SVIL: variants seen among roughly 807,000 people sequenced by gnomAD.
The protein encoded by SVIL is supervillin, also known as archvillin.
A neutral mutation model predicts 240.4 loss-of-function variants in SVIL; 101 were observed. The observed-to-expected ratio is 0.42, with a 90% confidence interval of 0.36 to 0.50. The LOEUF is 0.50. Among genes scored for constraint, SVIL ranks in the 20% least tolerant of loss-of-function variants. The probability of loss-of-function intolerance (pLI) is 0.01; values close to 1 mark genes in which losing one functional copy is unlikely to be tolerated. For missense variants in SVIL, 2,512 were observed against 2,818.7 expected (o/e 0.89, Z 2.46); for synonymous variants, 999 against 1,100.0 (o/e 0.91, Z 1.82).
intron 1 of SVIL, among the ~76,000 whole-genome samples, chr10:29,729,766 AG>A (rs1964508506): frequency 7.5e-6 from 1 of 133,312 alleles, no homozygotes; most frequent in African/African-American, 2.9e-5. Context: ...CCCAGGAGGC[AG>A]AGGTTGCAGT....
intron 28 of SVIL, among the ~76,000 whole-genome samples, chr10:29,481,016 A>AC (rs1946771312): frequency 6.6e-6 from 1 of 152,162 alleles, no homozygotes; most frequent in Admixed American, 6.5e-5. Context: ...CCACAACAGC[A>AC]CATGGGTGCC....
At chr10:29,619,014 G>T (rs1957529369) in intron 1 of SVIL, among the ~76,000 whole-genome samples, 1 of 152,222 alleles carries the variant, frequency 6.6e-6, no homozygotes, top group Admixed American at 6.5e-5. Flanking sequence ...TTTGTCTAAA[G>T]TAGCCCAGTA....
intron 18 of SVIL, among the ~76,000 whole-genome samples, chr10:29,495,953 G>GT (rs1476873544): frequency 2.0e-5 from 3 of 152,242 alleles, no homozygotes; most frequent in African/African-American, 2.4e-5. Context: ...AAACTGATTA[G>GT]TGCATTTACA....
chr10:29,506,126 G>C (rs376291414), intron 17 of SVIL, among the ~76,000 whole-genome samples: 58 of 152,276 alleles, frequency 3.8e-4, no homozygotes, highest in African/African-American at 1.4e-3. Context: ...AGTATCCCTA[G>C]TTGGTTGAAT....
chr10:29,694,938 G>T lies in SVIL; in HGVS notation c.-399-8287C>A, dbSNP rs192006000. Among the ~76,000 whole-genome samples, 553 of 152,206 alleles carry T rather than the reference G, an allele frequency of 3.6e-3. 4 individuals carry two copies. Among genetic ancestry groups the T allele is most frequent in the Non-Finnish European group, 4.8e-3 (327 of 68,006 alleles). On this transcript the variant is annotated intron_variant, in intron 1 of 35. Coordinates refer to the SVIL transcript ENST00000375400. Reference sequence around the variant, plus strand: ...GGAAAGGCAGCTAGAGGAAGGGAGGGGCCTGAGTTATCTCTCTCTGCAGGG... The same window carrying T: ...GGAAAGGCAGCTAGAGGAAGGGAGGTGCCTGAGTTATCTCTCTCTGCAGGG...
At chr10:29,625,744 G>A (rs953613639) in intron 1 of SVIL, among the ~76,000 whole-genome samples, 1 of 152,206 alleles carries the variant, frequency 6.6e-6, no homozygotes, top group African/African-American at 2.4e-5. Flanking sequence ...CTACAGGCAT[G>A]AGCCACCACG....
chr10:29,530,475 G>A lies in SVIL; in HGVS notation c.2106+132C>T, dbSNP rs1185696505. ...TACAATTTTTATTTTTTTTGAGATG[G>A]GGGTCTCACTGTGTTGCCCAGGCTG... On this transcript the variant is annotated intron_variant, in intron 11 of 37. Transcript: ENST00000355867. 1.8e-5 allele frequency: 16 copies of A among 912,836 alleles called. No individual in the cohort carries two copies. In the East Asian group the frequency reaches 3.5e-4, roughly 20 times the overall value. The allele number at this position is 912,836 out of a possible 1,614,324, so 56.5% of individuals were successfully genotyped here. A position where few individuals can be genotyped will look rare whatever the true frequency, so the allele number is the denominator to read the frequency against.
chr10:29,719,620 T>C (rs565931322), intron 1 of SVIL, among the ~76,000 whole-genome samples: 12 of 152,290 alleles, frequency 7.9e-5, no homozygotes, highest in African/African-American at 2.9e-4. Flanking sequence ...TAGGCAGAGA[T>C]ATGAATATAT....
intron 1 of SVIL, among the ~76,000 whole-genome samples, chr10:29,584,597 T>C (rs1956085126): frequency 6.6e-6 from 1 of 152,218 alleles, no homozygotes; most frequent in Non-Finnish European, 1.5e-5. Flanking sequence ...CTCTCCCCTG[T>C]ATGCAAGCCC....
chr10:29,469,003 G>A (rs962847702), intron 32 of SVIL: 68 of 152,318 alleles, frequency 4.5e-4, no homozygotes, highest in African/African-American at 1.5e-3. Context: ...GGAGTTAGAA[G>A]CAGGTTGCCC....
chr10:29,605,144 C>A (rs1956973059), intron 1 of SVIL, among the ~76,000 whole-genome samples: 1 of 152,144 alleles, frequency 6.6e-6, no homozygotes, highest in South Asian at 2.1e-4. Flanking sequence ...GAGATCTTCC[C>A]ATATAGGCAC....
rs41284748 is a variant in SVIL, at chr10:29,532,546, G to A, written c.1821C>T (p.Ala607=). 0.086 allele frequency: 138,775 copies of A among 1,610,106 alleles called. 6,614 individuals carry two copies. The highest frequency in any genetic ancestry group is 0.15 in the Admixed American group (9,091 of 59,900). The part of the protein sequence containing the change: ...LRSAFLASAN[A]CRRPELKSRV... ...TCACCTACAGTTCAGGTCTCCTGCAGGCGTTGGCAGATGCCAGGAACGCAC... is the reference window on the plus strand; with the variant it reads ...TCACCTACAGTTCAGGTCTCCTGCAAGCGTTGGCAGATGCCAGGAACGCAC... The change falls in exon 8 of 38, where the codon GCC becomes GCT. Residue 607 remains alanine (A), a synonymous_variant. Coordinates refer to ENST00000355867, the MANE Select transcript of SVIL (RefSeq NM_021738.3).
At chr10:29,466,921 G>T (rs1321390852) in intron 33 of SVIL, among the ~76,000 whole-genome samples, 1 of 152,092 alleles carries the variant, frequency 6.6e-6, no homozygotes, top group Non-Finnish European at 1.5e-5. Flanking sequence ...TATAAACATT[G>T]AGGGGCAGAG....
At position 29,457,583 on chromosome 10, in the gene SVIL, AG is replaced by A. The variant is rs1943714224; in HGVS notation, c.*663del. On this transcript the variant is annotated 3_prime_UTR_variant, in exon 38 of 38. Coordinates refer to ENST00000355867, the MANE Select transcript of SVIL (RefSeq NM_021738.3). ...TACATTTTTGGGGAGATATTAAGGT[AG>A]AAAGGTTGATTCGCATAGATTCTCC... The A allele has an allele frequency of 6.6e-6, 1 of 152,668 alleles. No individual in the cohort carries two copies. The highest frequency in any genetic ancestry group is 1.5e-5 in the Non-Finnish European group (1 of 68,044). 9.5% of individuals were successfully genotyped at this position (152,668 alleles called of 1,614,324 possible).
intron 1 of SVIL, among the ~76,000 whole-genome samples, chr10:29,591,041 C>T (rs890246775): frequency 4.6e-5 from 7 of 152,238 alleles, no homozygotes; most frequent in African/African-American, 1.4e-4. Context: ...TTATGGAGCA[C>T]CCAAGAGGCC....
At position 29,533,023 on chromosome 10, in the gene SVIL, A is replaced by C; in HGVS notation, c.1344T>G (p.Ala448=). Residue 448 remains alanine (A), a synonymous_variant, in exon 8 of 38, where the codon GCT becomes GCG. Coordinates refer to ENST00000355867, the MANE Select transcript of SVIL (RefSeq NM_021738.3). ...GTAGGGTTTTCTTGCTTTGCTCGAG[A>C]GCTTCAGTGAAGCACACATCTTCTT... The part of the protein sequence containing the change: ...EKEEDVCFTE[A]LEQSKKTLLA... 6.2e-7 allele frequency: 1 copy of C among 1,614,042 alleles called. No individual in the cohort carries two copies. Among genetic ancestry groups the C allele is most frequent in the Non-Finnish European group, 8.5e-7 (1 of 1,180,000 alleles).
At chr10:29,568,492 T>C (rs1955172500) in intron 2 of SVIL, among the ~76,000 whole-genome samples, 1 of 152,124 alleles carries the variant, frequency 6.6e-6, no homozygotes, top group South Asian at 2.1e-4. Flanking sequence ...CAGATTGAGA[T>C]CTTTGCCTGA....
chr10:29,574,108 C>T (rs370099580), intron 1 of SVIL, among the ~76,000 whole-genome samples: 3 of 152,318 alleles, frequency 2.0e-5, no homozygotes, highest in African/African-American at 4.8e-5. Flanking sequence ...GCACAAAGTT[C>T]CCTGCTGCTG....
chr10:29,463,850 G>A (rs764011235), intron 34 of SVIL, among the ~76,000 whole-genome samples: 1 of 152,240 alleles, frequency 6.6e-6, no homozygotes, highest in Non-Finnish European at 1.5e-5. Context: ...TGTAGGCAGA[G>A]AGAAGTGGTG....
Sources: gnomAD v4.1 joint callset for allele counts (sites outside exome capture counted in the v4.1 genomes callset) on GRCh38, gnomAD v4.1.1 for gene constraint, MANE v1.5 for transcripts, NCBI Gene and HGNC (gene_info 2026-07-23, HGNC 2026-07-21) for gene names.